Variants in PTN observed in about 807,000 individuals in gnomAD.
PTN encodes the protein heparin affin regulatory protein.
Under a neutral mutation model 24.1 loss-of-function variants are expected in PTN, and 18 were observed. That is an observed-to-expected ratio of 0.75 (90% CI 0.52 to 1.11). The LOEUF (loss-of-function observed/expected upper bound fraction) is 1.11, where lower values mean the gene tolerates loss of function less well. PTN is among the 50% of genes least tolerant of loss of function. PTN has a pLI of 0.00. For missense variants in PTN, 163 were observed against 198.8 expected (o/e 0.82, Z 1.08); for synonymous variants, 78 against 68.6 (o/e 1.14, Z -0.67).
chr7:137,290,848 A>T (rs74465323), intron 1 of PTN, among the ~76,000 whole-genome samples: 26,971 of 146,616 alleles, frequency 0.18, 2,724 homozygotes, highest in East Asian at 0.27. Flanking sequence ...TCTTCCAATT[A>T]AAAAAAAATA....
chr7:137,228,052 C>T lies in PTN; in HGVS notation c.475G>A (p.Glu159Lys). The T allele has an allele frequency of 6.3e-7, 1 of 1,598,824 alleles. No homozygotes were observed. The change falls in exon 5 of 5, where the codon GAA (glutamate) becomes AAA (lysine). Residue 159 changes from glutamate (E) to lysine (K), a missense_variant. Coordinates refer to ENST00000348225, the MANE Select transcript of PTN (RefSeq NM_002825.7). Reference protein sequence around the residue: ...PQAESKKKKKEGKKQEKMLD With the variant: ...PQAESKKKKKKGKKQEKMLD ...AGCATCTTCTCCTGTTTCTTGCCTT[C>T]CTTTTTCTTCTTCTTAGATTCTGCT... is the stretch of plus-strand genomic sequence containing the variant.
chr7:137,269,624 ATTTTTTTTTT>A (rs869311084), intron 1 of PTN, among the ~76,000 whole-genome samples: 5 of 63,028 alleles, frequency 7.9e-5, no homozygotes, highest in South Asian at 5.7e-4. Context: ...TGCTTCATCT[ATTTTTTTTTT>A]TTTTTTTTTT....
At chr7:137,333,108 G>A (rs973005207) in intron 1 of PTN, among the ~76,000 whole-genome samples, 9 of 152,050 alleles carry the variant, frequency 5.9e-5, no homozygotes, top group Non-Finnish European at 1.3e-4. Context: ...GGGAGGGTGG[G>A]TAAGTGAGTT....
In PTN at chr7:137,278,270, G is replaced by C. The variant is rs1404414283; in HGVS notation, c.-1-23296C>G. Among the ~76,000 whole-genome samples the C allele has an allele frequency of 2.4e-5, 3 of 123,832 alleles. No homozygotes were observed. The Admixed American group carries it at 2.9e-4, about 12-fold the overall frequency. 81.2% of individuals were successfully genotyped at this position (123,832 alleles called of 152,430 possible). A position where few individuals can be genotyped will look rare whatever the true frequency, so the allele number is the denominator to read the frequency against. On this transcript the variant is annotated intron_variant, in intron 1 of 4. Transcript: ENST00000348225. ...TGCAGTGAGCCGAGATCGCGCCACT[G>C]CACTCCAGCCTGGGCGACAGAGCGA...
At chr7:137,264,646 G>A (rs886957115) in intron 1 of PTN, among the ~76,000 whole-genome samples, 1 of 152,214 alleles carries the variant, frequency 6.6e-6, no homozygotes, top group Non-Finnish European at 1.5e-5. Flanking sequence ...TGGGCTCTCT[G>A]ATACCAGGAG....
chr7:137,288,562 T>C (rs1336442755), intron 1 of PTN, among the ~76,000 whole-genome samples: 1 of 152,200 alleles, frequency 6.6e-6, no homozygotes, highest in East Asian at 1.9e-4. Flanking sequence ...GAATTTTATC[T>C]AAAGCTAAAT....
At chr7:137,323,954 C>CGAA (rs1437356263) in intron 1 of PTN, among the ~76,000 whole-genome samples, 13 of 152,088 alleles carry the variant, frequency 8.5e-5, no homozygotes, top group Non-Finnish European at 1.9e-4. Context: ...GACACTGAAT[C>CGAA]AAAGAAATTA....
intron 4 of PTN, among the ~76,000 whole-genome samples, chr7:137,249,221 T>A (rs921171387): frequency 6.6e-6 from 1 of 151,960 alleles, no homozygotes; most frequent in African/African-American, 2.4e-5. Context: ...TTTTCTCCCT[T>A]ATTATAAAGT....
chr7:137,261,434 A>G (rs142663297), intron 1 of PTN, among the ~76,000 whole-genome samples: 23 of 152,322 alleles, frequency 1.5e-4, no homozygotes, highest in African/African-American at 5.5e-4. Context: ...TATGAATTTT[A>G]AAAGCAGTTA....
chr7:137,266,755 T>C (rs1809155838), intron 1 of PTN, among the ~76,000 whole-genome samples: 1 of 152,030 alleles, frequency 6.6e-6, no homozygotes, highest in Non-Finnish European at 1.5e-5. Context: ...CACTGTTAAC[T>C]TTTAGCAAAT....
intron 1 of PTN, among the ~76,000 whole-genome samples, chr7:137,276,708 G>T (rs921897926): frequency 6.6e-6 from 1 of 152,022 alleles, no homozygotes; most frequent in African/African-American, 2.4e-5. Flanking sequence ...AACTAATACT[G>T]GTGCATGGTA....
chr7:137,304,184 T>C (rs754543819), intron 1 of PTN, among the ~76,000 whole-genome samples: 6 of 152,042 alleles, frequency 3.9e-5, no homozygotes, highest in Non-Finnish European at 8.8e-5. Flanking sequence ...TCCTCTGATC[T>C]TTCCCTTCTT....
intron 1 of PTN, among the ~76,000 whole-genome samples, chr7:137,259,121 C>T (rs538079894): frequency 6.6e-6 from 1 of 152,190 alleles, no homozygotes; most frequent in Non-Finnish European, 1.5e-5. Flanking sequence ...TCAATGAAAT[C>T]TGAAACTCAA....
At chr7:137,279,907 CT>C (rs1290836649) in intron 1 of PTN, among the ~76,000 whole-genome samples, 1 of 152,118 alleles carries the variant, frequency 6.6e-6, no homozygotes, top group Non-Finnish European at 1.5e-5. Context: ...TAAACTGTGA[CT>C]TTGAAAAAAG....
intron 1 of PTN, among the ~76,000 whole-genome samples, chr7:137,332,132 A>G (rs1399780104): frequency 2.0e-5 from 3 of 152,236 alleles, no homozygotes; most frequent in Admixed American, 2.0e-4. Context: ...GTTAAAACAT[A>G]TTGCATGCAT....
chr7:137,229,889 T>C (rs1304799761), intron 4 of PTN, among the ~76,000 whole-genome samples: 2 of 151,798 alleles, frequency 1.3e-5, no homozygotes, highest in East Asian at 3.9e-4. Flanking sequence ...TAATTCCCAA[T>C]TTTTGGTCAA....
At chr7:137,278,965 AT>A (rs1809418367) in intron 1 of PTN, among the ~76,000 whole-genome samples, 1 of 146,206 alleles carries the variant, frequency 6.8e-6, no homozygotes, top group African/African-American at 2.5e-5. Flanking sequence ...AATAATAATA[AT>A]AATAATAATA....
chr7:137,252,430 C>T (rs962282767), intron 3 of PTN, among the ~76,000 whole-genome samples: 1 of 151,670 alleles, frequency 6.6e-6, no homozygotes, highest in Non-Finnish European at 1.5e-5. Context: ...TTGTTGTTTA[C>T]TGTTGAGTTT....
intron 1 of PTN, among the ~76,000 whole-genome samples, chr7:137,264,247 T>C (rs1809097922): frequency 6.6e-6 from 1 of 152,048 alleles, no homozygotes; most frequent in Admixed American, 6.6e-5. Context: ...TGCAAACAAG[T>C]TTCTTTTAGA....
Sources: allele counts gnomAD v4.1 joint callset (sites outside exome capture counted in the v4.1 genomes callset), GRCh38; gene constraint gnomAD v4.1.1; transcripts MANE v1.5; gene names NCBI Gene and HGNC (gene_info 2026-07-23, HGNC 2026-07-21).